The following GATB variants were observed in gnomAD, a reference collection of about 807,000 sequenced individuals.
The protein encoded by GATB is glutamyl-tRNA amidotransferase subunit B, also known as glutamyl-tRNA(Gln) amidotransferase subunit B, mitochondrial.
A neutral mutation model predicts 62.3 loss-of-function variants in GATB; 39 were observed. The observed-to-expected ratio is 0.63, with a 90% CI of 0.48 to 0.82. The LOEUF is 0.82. Ranked by LOEUF, GATB falls within the 40% of genes least tolerant of loss-of-function variation. The pLI is 0.00. For missense variants in GATB, 670 were observed against 684.0 expected (o/e 0.98, Z 0.23); for synonymous variants, 276 against 258.9 (o/e 1.07, Z -0.63).
chr4:151,722,893 CTAAGGTGTTACCTGCCACATG>C (rs1409295969), intron 2 of GATB: 1 of 152,188 alleles, frequency 6.6e-6, no homozygotes, highest in Non-Finnish European at 1.5e-5. Context: ...CCAGTCTCCT[CTAAGGTGTTACCTGCCACATG>C]CTGGCCTGCA....
chr4:151,743,275 T>C (rs1481231696), intron 2 of GATB, among the ~76,000 whole-genome samples: 1 of 152,174 alleles, frequency 6.6e-6, no homozygotes, highest in African/African-American at 2.4e-5. Context: ...GGGCCCTGAA[T>C]TGGAGGCTAA....
chr4:151,679,497 G>C (rs551797535), intron 11 of GATB, among the ~76,000 whole-genome samples: 1 of 152,292 alleles, frequency 6.6e-6, no homozygotes, highest in African/African-American at 2.4e-5. Context: ...AGCTGAGGCT[G>C]CCTTGGGCAC....
At chr4:151,747,212 C>T (rs1220336433) in intron 2 of GATB, among the ~76,000 whole-genome samples, 2 of 152,126 alleles carry the variant, frequency 1.3e-5, no homozygotes, top group Non-Finnish European at 2.9e-5. Flanking sequence ...TGCTTTAAAG[C>T]ACCTTGGGGG....
chr4:151,755,932 T>C (rs1578944826), intron 2 of GATB, among the ~76,000 whole-genome samples: 5 of 152,294 alleles, frequency 3.3e-5, no homozygotes, highest in South Asian at 4.1e-4. Context: ...TAGGACACAA[T>C]AGATATAGGT....
chr4:151,749,612 A>G (rs1739672695), intron 2 of GATB, among the ~76,000 whole-genome samples: 1 of 146,556 alleles, frequency 6.8e-6, no homozygotes, highest in African/African-American at 2.6e-5. Context: ...CGTTGTGCAC[A>G]CGTACCCTAG....
chr4:151,676,156 G>T (rs1426929057), intron 11 of GATB: 1 of 152,176 alleles, frequency 6.6e-6, no homozygotes, highest in African/African-American at 2.4e-5. Context: ...ATAAAGCGGG[G>T]CCCAGTAAAC....
intron 9 of GATB, 67 bp downstream of exon 9, chr4:151,701,262 G>A (rs922818174): frequency 1.1e-5 from 14 of 1,295,228 alleles, no homozygotes; most frequent in South Asian, 2.0e-5. Flanking sequence ...TGTGTGTGGC[G>A]GGGCCTCTGA....
intron 10 of GATB, 121 bp from the exon 11 acceptor site, chr4:151,680,012 A>G: frequency 1.3e-6 from 1 of 783,650 alleles, no homozygotes; most frequent in Non-Finnish European, 2.2e-6. Context: ...ACGCCTAGGG[A>G]TGAAAACAGC....
intron 6 of GATB, 136 bp downstream of exon 6, chr4:151,707,852 G>A (rs947143684): frequency 3.2e-5 from 20 of 624,326 alleles, no homozygotes; most frequent in Middle Eastern, 5.9e-4. Flanking sequence ...TGAGTGAGCC[G>A]ACACAGGACC....
intron 2 of GATB, among the ~76,000 whole-genome samples, chr4:151,745,200 G>A (rs1041641074): frequency 4.6e-5 from 7 of 152,156 alleles, no homozygotes; most frequent in East Asian, 3.8e-4. Context: ...GTGAATGGAC[G>A]GAGAGATAAA....
At chr4:151,694,398 C>T (rs1738428413) in intron 9 of GATB, among the ~76,000 whole-genome samples, 1 of 152,162 alleles carries the variant, frequency 6.6e-6, no homozygotes, top group Admixed American at 6.5e-5. Context: ...CCTCTGAAAG[C>T]TCCTCATCCC....
chr4:151,732,701 C>G (rs556793094), intron 2 of GATB, among the ~76,000 whole-genome samples: 1 of 139,680 alleles, frequency 7.2e-6, no homozygotes, highest in Non-Finnish European at 1.5e-5. Context: ...GAGAAACACC[C>G]AAGAATGATC....
At chr4:151,697,985 A>ATATATATATATATATATATGTG (rs1560847802) in intron 9 of GATB, among the ~76,000 whole-genome samples, 4 of 138,288 alleles carry the variant, frequency 2.9e-5, no homozygotes, top group African/African-American at 1.2e-4. Context: ...ATATATATAT[A>ATATATATATATATATATATGTG]TATATATATG....
intron 11 of GATB, among the ~76,000 whole-genome samples, chr4:151,679,267 T>C (rs1292049398): frequency 6.6e-6 from 1 of 152,222 alleles, no homozygotes; most frequent in South Asian, 2.1e-4. Context: ...GGCAGAGGTA[T>C]AGACAGACAA....
intron 11 of GATB, chr4:151,677,875 A>T (rs1317335429): frequency 2.8e-5 from 4 of 142,172 alleles, no homozygotes; most frequent in Non-Finnish European, 5.9e-5. Context: ...GAAATAAACT[A>T]AAAAAAAGTA....
chr4:151,736,956 C>T (rs1037710773), intron 2 of GATB, among the ~76,000 whole-genome samples: 1 of 152,228 alleles, frequency 6.6e-6, no homozygotes, highest in African/African-American at 2.4e-5. Flanking sequence ...CAATAAACCT[C>T]TTCCTTTTGT....
chr4:151,722,137 G>A, intron 2 of GATB: 1 of 694,788 alleles, frequency 1.4e-6, no homozygotes, highest in South Asian at 1.5e-5. Context: ...CAAGCTGCTT[G>A]TGACAGATGG....
intron 2 of GATB, among the ~76,000 whole-genome samples, chr4:151,743,233 T>G (rs913522870): frequency 6.6e-6 from 1 of 152,238 alleles, no homozygotes; most frequent in Non-Finnish European, 1.5e-5. Flanking sequence ...GCCTGCTTTC[T>G]TCATGGTGAG....
intron 9 of GATB, among the ~76,000 whole-genome samples, chr4:151,690,881 G>A (rs1482911157): frequency 1.3e-5 from 2 of 152,200 alleles, no homozygotes; most frequent in African/African-American, 4.8e-5. Flanking sequence ...GAGCTATAGC[G>A]AGTGGGGCTG....
Sources: gnomAD v4.1 joint callset for allele counts (sites outside exome capture counted in the v4.1 genomes callset) on GRCh38, gnomAD v4.1.1 for gene constraint, MANE v1.5 for transcripts, NCBI Gene and HGNC (gene_info 2026-07-23, HGNC 2026-07-21) for gene names.